The following NAA15 variants were observed in gnomAD, a reference collection of about 807,000 sequenced individuals.
NAA15 encodes N-alpha-acetyltransferase 15, NatA auxiliary subunit.
A neutral mutation model predicts 114.0 loss-of-function variants in NAA15; 34 were observed. That is an observed-to-expected ratio of 0.30 (90% CI 0.23 to 0.40). NAA15 has a LOEUF of 0.40. NAA15 is among the 10% of genes least tolerant of loss of function. The probability of loss-of-function intolerance (pLI) is 1.00; values close to 1 mark genes in which losing one functional copy is unlikely to be tolerated. For synonymous variants in NAA15, 340 were observed against 338.0 expected (o/e 1.01, Z -0.06); for missense variants, 658 against 1,004.5 (o/e 0.66, Z 4.66).
At chr4:139,367,146 C>T (rs1748306564) in intron 14 of NAA15, among the ~76,000 whole-genome samples, 1 of 152,128 alleles carries the variant, frequency 6.6e-6, no homozygotes. Flanking sequence ...ATCAACTACA[C>T]ACCCAATATA....
chr4:139,349,449 T>C lies in NAA15; in HGVS notation c.692-13T>C, dbSNP rs1747707394. ...CAGATATTAAAATTTTTTTTTTTTC[T>C]GTTTTTAATCAGGGGAACTTCTGTT... On this transcript the variant is annotated splice_polypyrimidine_tract_variant and intron_variant, in intron 6 of 19. Coordinates refer to ENST00000296543, the MANE Select transcript of NAA15 (RefSeq NM_057175.5). 1.9e-6 allele frequency: 3 copies of C among 1,538,922 alleles called. No homozygotes were observed. The highest frequency in any genetic ancestry group is 2.6e-6 in the Non-Finnish European group (3 of 1,149,280).
chr4:139,302,004 C>A, intron 1 of NAA15, 173 bp downstream of exon 1: 2 of 631,810 alleles, frequency 3.2e-6, no homozygotes, highest in Non-Finnish European at 5.1e-6. Context: ...CCTACTATGG[C>A]CCGCGCGCCA....
At chr4:139,356,986 C>CT (rs10712283) in intron 10 of NAA15, among the ~76,000 whole-genome samples, 26 of 146,898 alleles carry the variant, frequency 1.8e-4, no homozygotes, top group South Asian at 4.3e-4. Flanking sequence ...GCAGCCAGGG[C>CT]TTTTTTTTTT....
In NAA15 at chr4:139,301,771, C is replaced by T. The variant is rs374473030; in HGVS notation, c.-7C>T. 3.8e-6 allele frequency: 6 copies of T among 1,572,198 alleles called. No individual in the cohort carries two copies. In the African/African-American group the frequency reaches 4.1e-5, roughly 11 times the overall value. ...TGGTGGCGGGAGCAGCGGGAGCAGC[C>T]GGAACGATGCCGGCCGTGAGCCTCC... On this transcript the variant is annotated 5_prime_UTR_variant, in exon 1 of 20. Transcript: ENST00000296543.
intron 14 of NAA15, among the ~76,000 whole-genome samples, chr4:139,367,787 CTCTTT>C (rs1748324718): frequency 1.3e-5 from 2 of 152,202 alleles, no homozygotes; most frequent in Non-Finnish European, 2.9e-5. Context: ...AAGCCCCTGT[CTCTTT>C]TCTTTAGTTT....
intron 3 of NAA15, among the ~76,000 whole-genome samples, chr4:139,337,751 T>C (rs1330405421): frequency 6.6e-6 from 1 of 152,208 alleles, no homozygotes; most frequent in African/African-American, 2.4e-5. Context: ...CTTGGCTTAG[T>C]ACAGACAAAG....
intron 11 of NAA15, 70 bp from the exon 12 acceptor site, chr4:139,359,673 C>T (rs1748072953): frequency 7.0e-7 from 1 of 1,434,576 alleles, no homozygotes; most frequent in Non-Finnish European, 9.5e-7. Context: ...TATTTATCAA[C>T]AGATAATGAA....
intron 1 of NAA15, among the ~76,000 whole-genome samples, chr4:139,321,628 C>A (rs558679957): frequency 6.7e-6 from 1 of 149,516 alleles, no homozygotes; most frequent in East Asian, 1.9e-4. Context: ...CCCGCCACCA[C>A]GCCTGGCTAA....
intron 1 of NAA15, among the ~76,000 whole-genome samples, chr4:139,303,014 C>T (rs1745862856): frequency 6.6e-6 from 1 of 152,176 alleles, no homozygotes. Flanking sequence ...ATTTATTTCA[C>T]CTGTTTGAAA....
At chr4:139,381,613 G>A (rs1253946529) in intron 17 of NAA15, among the ~76,000 whole-genome samples, 2 of 150,738 alleles carry the variant, frequency 1.3e-5, no homozygotes, top group Non-Finnish European at 3.0e-5. Context: ...TTATTTTGCC[G>A]TTTTTGAGTT....
At chr4:139,331,469 C>T (rs1477098222) in intron 1 of NAA15, among the ~76,000 whole-genome samples, 7 of 148,606 alleles carry the variant, frequency 4.7e-5, no homozygotes, top group Non-Finnish European at 8.9e-5. Context: ...TTTTTTGAGA[C>T]AGAGTCTGGC....
At chr4:139,340,796 C>T in intron 3 of NAA15, 116 bp from the exon 4 acceptor site, 1 of 720,668 alleles carries the variant, frequency 1.4e-6, no homozygotes, top group Non-Finnish European at 2.1e-6. Flanking sequence ...CCTCCCCTTC[C>T]CCTTCTTTTT....
chr4:139,317,650 A>G (rs946988552), intron 1 of NAA15, among the ~76,000 whole-genome samples: 3 of 152,258 alleles, frequency 2.0e-5, no homozygotes, highest in Non-Finnish European at 4.4e-5. Flanking sequence ...CCCAAATTAG[A>G]GGATGGCCAT....
chr4:139,368,718 CG>C (rs1748351795), intron 14 of NAA15, among the ~76,000 whole-genome samples: 1 of 151,638 alleles, frequency 6.6e-6, no homozygotes, highest in Non-Finnish European at 1.5e-5. Flanking sequence ...TTTGAGGTGG[CG>C]GGGGTGGAGG....
intron 15 of NAA15, among the ~76,000 whole-genome samples, chr4:139,370,827 A>G (rs1236281657): frequency 6.6e-6 from 1 of 152,256 alleles, no homozygotes; most frequent in Non-Finnish European, 1.5e-5. Context: ...CAGTGGTAAC[A>G]TGCAAGTTTT....
rs183873480 is a variant in NAA15, at chr4:139,343,590, C to T, written c.538-596C>T. 3.9e-4 allele frequency among the ~76,000 whole-genome samples: 60 copies of T among 152,292 alleles called. No homozygotes were observed. In the East Asian group the frequency reaches 0.011, roughly 28 times the overall value. ...CTCAATTTGGATTTTTCTGATGGTT[C>T]CTCATTCTTAGATAGAGTTTTATAA... On this transcript the variant is annotated intron_variant, in intron 5 of 19. Transcript: ENST00000296543.
rs898120179 is a variant in NAA15 at position 139,336,451 on chromosome 4, A to G, written c.140-397A>G. ...TAAATCACTGATGAGTTTAACCCGTATATAACCTAGGTTCACAGAAATAAA... is the reference window on the plus strand; with the variant it reads ...TAAATCACTGATGAGTTTAACCCGTGTATAACCTAGGTTCACAGAAATAAA... On this transcript the variant is annotated intron_variant, in intron 2 of 19. Coordinates refer to ENST00000296543, the MANE Select transcript of NAA15 (RefSeq NM_057175.5). Among the ~76,000 whole-genome samples, 66 of 152,154 alleles carry G rather than the reference A, an allele frequency of 4.3e-4. 2 individuals carry two copies. Among genetic ancestry groups the G allele is most frequent in the Non-Finnish European group, 1.5e-5 (1 of 68,014 alleles).
chr4:139,346,030 G>A (rs560341962), intron 6 of NAA15, among the ~76,000 whole-genome samples: 1 of 152,286 alleles, frequency 6.6e-6, no homozygotes, highest in African/African-American at 2.4e-5. Flanking sequence ...GGTGAAATGG[G>A]ATGCAGGCTC....
At chr4:139,349,216 G>A (rs972118388) in intron 6 of NAA15, among the ~76,000 whole-genome samples, 1 of 152,106 alleles carries the variant, frequency 6.6e-6, no homozygotes, top group Non-Finnish European at 1.5e-5. Context: ...CCGGGCATTG[G>A]ACAGATTTTC....
Sources: allele counts gnomAD v4.1 joint callset (sites outside exome capture counted in the v4.1 genomes callset), GRCh38; gene constraint gnomAD v4.1.1; transcripts MANE v1.5; gene names NCBI Gene and HGNC (gene_info 2026-07-23, HGNC 2026-07-21).